The following MITF variants were observed in gnomAD, a reference collection of about 807,000 sequenced individuals.
MITF encodes microphthalmia-associated transcription factor.
A neutral mutation model predicts 60.5 loss-of-function variants in MITF; 17 were observed. The ratio of observed to expected loss-of-function variants is 0.28; its 90% CI spans 0.19 to 0.42. MITF has a LOEUF of 0.42. Among genes scored for constraint, MITF ranks in the 10% least tolerant of loss-of-function variants. MITF has a pLI of 1.00. For missense variants in MITF, 622 were observed against 683.5 expected, an observed-to-expected ratio of 0.91 and a Z score of 1.00; for synonymous variants, 260 against 248.5, an observed-to-expected ratio of 1.05 and a Z score of -0.43.
intron 1 of MITF, among the ~76,000 whole-genome samples, chr3:69,812,031 A>C (rs1358983356): frequency 6.6e-6 from 1 of 152,110 alleles, no homozygotes; most frequent in Non-Finnish European, 1.5e-5. Context: ...TACTTCCTTC[A>C]GTGGGTTTCT....
chr3:69,942,467 CT>C (rs112714072), intron 5 of MITF, among the ~76,000 whole-genome samples: 18 of 149,042 alleles, frequency 1.2e-4, no homozygotes, highest in Admixed American at 7.4e-4. Context: ...ATTTTCTTTT[CT>C]TTTTTTTTTA....
chr3:69,857,524 G>T (rs2063940061), intron 1 of MITF, among the ~76,000 whole-genome samples: 1 of 143,956 alleles, frequency 6.9e-6, no homozygotes, highest in African/African-American at 2.5e-5. Context: ...TGATCTCATG[G>T]TTTTTTTTTT....
intron 2 of MITF, among the ~76,000 whole-genome samples, chr3:69,907,632 C>T (rs2065129505): frequency 6.6e-6 from 1 of 152,158 alleles, no homozygotes; most frequent in Non-Finnish European, 1.5e-5. Context: ...TGATTTCAGG[C>T]AGGAGGCCTG....
At chr3:69,892,801 G>A (rs1332753070) in intron 2 of MITF, among the ~76,000 whole-genome samples, 1 of 152,162 alleles carries the variant, frequency 6.6e-6, no homozygotes, top group African/African-American at 2.4e-5. Context: ...GACATCAAAG[G>A]TCTTTCTACT....
chr3:69,790,392 G>A (rs2062721196), intron 1 of MITF, among the ~76,000 whole-genome samples: 1 of 152,272 alleles, frequency 6.6e-6, no homozygotes, highest in South Asian at 2.1e-4. Flanking sequence ...AGATGAAAAA[G>A]TTCTGGAGAT....
chr3:69,933,225 G>A (rs1030860639), intron 2 of MITF, among the ~76,000 whole-genome samples: 1 of 151,834 alleles, frequency 6.6e-6, no homozygotes, highest in Non-Finnish European at 1.5e-5. Context: ...AAACTAAAAG[G>A]ATTAAGAAAA....
chr3:69,769,773 C>CT (rs2062364940), intron 1 of MITF: 1 of 152,176 alleles, frequency 6.6e-6, no homozygotes, highest in African/African-American at 2.4e-5. Flanking sequence ...GTGCCAGTGC[C>CT]TTTTCTTTCT....
At chr3:69,769,759 G>C (rs1174911078) in intron 1 of MITF, 2 of 152,188 alleles carry the variant, frequency 1.3e-5, no homozygotes, top group African/African-American at 4.8e-5. Context: ...GGGACCACAG[G>C]CATGTGCCAG....
intron 2 of MITF, among the ~76,000 whole-genome samples, chr3:69,903,470 G>C (rs1450333639): frequency 6.6e-6 from 1 of 152,084 alleles, no homozygotes. Context: ...TGTGGTGTAG[G>C]TAAGAGAGTG....
chr3:69,832,429 A>G (rs1409589896), intron 1 of MITF, among the ~76,000 whole-genome samples: 4 of 152,226 alleles, frequency 2.6e-5, no homozygotes, highest in Non-Finnish European at 4.4e-5. Flanking sequence ...GACCTTGGGC[A>G]AGATCTTCTA....
intron 1 of MITF, among the ~76,000 whole-genome samples, chr3:69,786,333 CT>C (rs1324875180): frequency 6.6e-6 from 1 of 152,178 alleles, no homozygotes; most frequent in African/African-American, 2.4e-5. Flanking sequence ...GCATGAATCC[CT>C]GCTTCTGTCT....
rs138863128 is a variant in MITF at position 69,857,425 on chromosome 3, G to T, written c.105-21709G>T. On this transcript the variant is annotated intron_variant, in intron 1 of 9. Transcript: ENST00000352241. Reference sequence around the variant, plus strand: ...AACATGGGGTATGATATGCAAATATGAGATACAGTTATCAGTGTGACAATA... The same window carrying T: ...AACATGGGGTATGATATGCAAATATTAGATACAGTTATCAGTGTGACAATA... 2.4e-4 allele frequency among the ~76,000 whole-genome samples: 37 copies of T among 152,096 alleles called. 1 individual carries two copies. In the East Asian group the frequency reaches 7.2e-3, roughly 29 times the overall value.
At chr3:69,886,984 ACT>A in intron 2 of MITF, among the ~76,000 whole-genome samples, 1 of 152,098 alleles carries the variant, frequency 6.6e-6, no homozygotes, top group Non-Finnish European at 1.5e-5. Context: ...AATTCAGTAG[ACT>A]CACACACTTT....
chr3:69,857,004 C>A (rs1273589952), intron 1 of MITF, among the ~76,000 whole-genome samples: 1 of 151,822 alleles, frequency 6.6e-6, no homozygotes, highest in African/African-American at 2.4e-5. Flanking sequence ...CAAGAGAAGC[C>A]ATTATGGTCA....
At chr3:69,752,332 T>C (rs1436638891) in intron 1 of MITF, 2 of 152,136 alleles carry the variant, frequency 1.3e-5, no homozygotes, top group Non-Finnish European at 2.9e-5. Flanking sequence ...GATAGGAAGA[T>C]GATGGAAAGT....
chr3:69,882,694 C>T (rs1187228126), intron 2 of MITF, among the ~76,000 whole-genome samples: 3 of 152,124 alleles, frequency 2.0e-5, no homozygotes, highest in East Asian at 1.9e-4. Flanking sequence ...AACAGAGTAA[C>T]GGGACAGAAC....
At chr3:69,877,972 T>TA (rs2064392496) in intron 1 of MITF, among the ~76,000 whole-genome samples, 1 of 152,104 alleles carries the variant, frequency 6.6e-6, no homozygotes, top group Admixed American at 6.5e-5. Flanking sequence ...ACACAGACGT[T>TA]AAAAAATATA....
intron 2 of MITF, among the ~76,000 whole-genome samples, chr3:69,917,025 C>T (rs1479812485): frequency 6.6e-6 from 1 of 152,108 alleles, no homozygotes; most frequent in African/African-American, 2.4e-5. Context: ...ACATGTTGGA[C>T]ACTAAGTGTC....
chr3:69,751,534 CT>C (rs1287966284), intron 1 of MITF, among the ~76,000 whole-genome samples: 1 of 150,204 alleles, frequency 6.7e-6, no homozygotes, highest in Admixed American at 6.7e-5. Flanking sequence ...GTTTCATCCA[CT>C]TAGACCCAAG....
Sources: gnomAD v4.1 joint callset for allele counts (sites outside exome capture counted in the v4.1 genomes callset) on GRCh38, gnomAD v4.1.1 for gene constraint, MANE v1.5 for transcripts, NCBI Gene and HGNC (gene_info 2026-07-23, HGNC 2026-07-21) for gene names.